SNTB2: variants seen among roughly 807,000 people sequenced by gnomAD.
The protein encoded by SNTB2 is beta-2-syntrophin.
SNTB2 carries 34 observed loss-of-function variants against 46.2 expected under a neutral mutation model. The ratio of observed to expected loss-of-function variants is 0.74; its 90% CI spans 0.56 to 0.98. The LOEUF is 0.98. Among genes scored for constraint, SNTB2 ranks in the 50% least tolerant of loss-of-function variants. The pLI is 0.00. For missense variants in SNTB2, 603 were observed against 731.4 expected (o/e 0.82, Z 2.02); for synonymous variants, 290 against 312.6 (o/e 0.93, Z 0.76).
intron 1 of SNTB2, among the ~76,000 whole-genome samples, chr16:69,221,320 G>T (rs1964401925): frequency 6.6e-6 from 1 of 152,054 alleles, no homozygotes; most frequent in Non-Finnish European, 1.5e-5. Flanking sequence ...CTTGATACAT[G>T]ATTTTCTAGT....
chr16:69,273,819 T>C (rs1369559608), intron 4 of SNTB2, among the ~76,000 whole-genome samples: 1 of 152,196 alleles, frequency 6.6e-6, no homozygotes, highest in East Asian at 1.9e-4. Flanking sequence ...AGCATGCTAC[T>C]GAAACTTTCT....
At chr16:69,257,784 G>A (rs1447896978) in intron 2 of SNTB2, among the ~76,000 whole-genome samples, 1 of 152,100 alleles carries the variant, frequency 6.6e-6, no homozygotes, top group Non-Finnish European at 1.5e-5. Flanking sequence ...TAGAACTTTT[G>A]TCCTATTTTG....
At position 69,256,375 on chromosome 16, in the gene SNTB2, A is replaced by G. The variant is rs188840947; in HGVS notation, c.795-3675A>G. On this transcript the variant is annotated intron_variant, in intron 2 of 6. Coordinates refer to ENST00000336278, the MANE Select transcript of SNTB2 (RefSeq NM_006750.4). Reference sequence around the variant, plus strand: ...AACATGAAATTTCTTAATCATTTTTAAGTGTACAGGTCAGAAGTGTTAAGT... The same window carrying G: ...AACATGAAATTTCTTAATCATTTTTGAGTGTACAGGTCAGAAGTGTTAAGT... Among the ~76,000 whole-genome samples the G allele has an allele frequency of 9.2e-5, 14 of 152,232 alleles. No homozygotes were observed. The East Asian group carries it at 1.4e-3, about 15-fold the overall frequency.
chr16:69,211,718 G>C (rs1964289259), intron 1 of SNTB2, among the ~76,000 whole-genome samples: 2 of 152,290 alleles, frequency 1.3e-5, no homozygotes, highest in South Asian at 4.1e-4. Context: ...CTTTACTAGA[G>C]TATGTGTTAT....
At chr16:69,239,533 A>ATTTT (rs1350262401) in intron 1 of SNTB2, among the ~76,000 whole-genome samples, 2 of 151,506 alleles carry the variant, frequency 1.3e-5, no homozygotes, top group Non-Finnish European at 2.9e-5. Context: ...CACTGAATTT[A>ATTTT]TTTTTATTTA....
At chr16:69,268,173 A>T (rs1464489159) in intron 3 of SNTB2, among the ~76,000 whole-genome samples, 2 of 152,176 alleles carry the variant, frequency 1.3e-5, no homozygotes, top group African/African-American at 4.8e-5. Flanking sequence ...AAACTTCTAA[A>T]ATACAATGGG....
In SNTB2 at chr16:69,284,029, G is replaced by A. The variant is rs1198981176; in HGVS notation, c.1149-19G>A. The A allele has an allele frequency of 6.3e-7, 1 of 1,581,666 alleles. No homozygotes were observed. The highest frequency in any genetic ancestry group is 8.6e-7 in the Non-Finnish European group (1 of 1,160,488). On this transcript the variant is annotated intron_variant, in intron 4 of 6. Coordinates refer to ENST00000336278, the MANE Select transcript of SNTB2 (RefSeq NM_006750.4). The stretch of plus-strand genomic sequence containing the variant: ...GATAATGTAGTTACTTTTGATCTCT[G>A]CTCTGTTTGTGGTCCTAGGTTGGTT...
intron 1 of SNTB2, among the ~76,000 whole-genome samples, chr16:69,239,038 C>T (rs886295057): frequency 6.6e-6 from 1 of 152,110 alleles, no homozygotes; most frequent in African/African-American, 2.4e-5. Flanking sequence ...CCTCACTTAC[C>T]CAGCTCCAGT....
intron 3 of SNTB2, among the ~76,000 whole-genome samples, chr16:69,268,564 A>T (rs534515878): frequency 2.0e-5 from 3 of 152,254 alleles, no homozygotes; most frequent in East Asian, 3.9e-4. Flanking sequence ...TACAATTTTT[A>T]AAAAATACAG....
intron 1 of SNTB2, among the ~76,000 whole-genome samples, chr16:69,223,706 G>A (rs1414980118): frequency 1.3e-5 from 2 of 151,774 alleles, no homozygotes; most frequent in Non-Finnish European, 2.9e-5. Context: ...TCGGCTCACT[G>A]CAAGCTCCGC....
intron 1 of SNTB2, among the ~76,000 whole-genome samples, chr16:69,237,569 C>T: frequency 6.7e-6 from 1 of 149,852 alleles, no homozygotes; most frequent in Non-Finnish European, 1.5e-5. Flanking sequence ...TATTTTAGGC[C>T]AGCATTTCTT....
intron 1 of SNTB2, among the ~76,000 whole-genome samples, chr16:69,223,507 ATAT>A (rs1289593830): frequency 2.0e-5 from 3 of 151,156 alleles, no homozygotes; most frequent in Non-Finnish European, 4.4e-5. Flanking sequence ...CATTAGTATG[ATAT>A]TATTAAACTA....
At chr16:69,265,309 C>G (rs796194612) in intron 3 of SNTB2, among the ~76,000 whole-genome samples, 10 of 152,228 alleles carry the variant, frequency 6.6e-5, no homozygotes, top group African/African-American at 2.4e-4. Flanking sequence ...CTACTTTATG[C>G]CTTTTAACTC....
intron 5 of SNTB2, 94 bp from the exon 6 acceptor site, chr16:69,299,496 A>C (rs1437558972): frequency 8.0e-7 from 1 of 1,243,746 alleles, no homozygotes; most frequent in African/African-American, 1.5e-5. Flanking sequence ...TCTCAAGAAA[A>C]TATTTTTCCT....
rs1402341968 is a variant in SNTB2 at position 69,308,324 on chromosome 16, G to C, written c.*7400G>C. ...CTCGATTTGTGAATTAATAGAATTG[G>C]GGGGAGAGGAAATGATGATGTCAAT... On this transcript the variant is annotated 3_prime_UTR_variant, in exon 7 of 7. Coordinates refer to ENST00000336278, the MANE Select transcript of SNTB2 (RefSeq NM_006750.4). 1 of 152,560 alleles carries C rather than the reference G, an allele frequency of 6.6e-6. No homozygotes were observed. The highest frequency in any genetic ancestry group is 2.4e-5 in the African/African-American group (1 of 41,432). 9.5% of individuals were successfully genotyped at this position (152,560 alleles called of 1,614,324 possible).
Position 69,303,622 on chromosome 16 carries a change from A to G in SNTB2, c.*2698A>G, listed in dbSNP as rs886698071. The G allele has an allele frequency of 6.6e-6, 1 of 152,648 alleles. No individual in the cohort carries two copies. Among genetic ancestry groups the G allele is most frequent in the Non-Finnish European group, 1.5e-5 (1 of 68,054 alleles). 9.5% of individuals were successfully genotyped at this position (152,648 alleles called of 1,614,324 possible). A position where few individuals can be genotyped will look rare whatever the true frequency, so the allele number is the denominator to read the frequency against. ...TTTCCTTTGTCCATTAGCAGCCCCA[A>G]GAACCAGAACCCTTTTGCTGCTTTT... On this transcript the variant is annotated 3_prime_UTR_variant, in exon 7 of 7. Transcript: ENST00000336278.
Position 69,187,210 on chromosome 16 carries a change from C to G in SNTB2, c.44C>G (p.Ala15Gly). 7.0e-7 allele frequency: 1 copy of G among 1,432,010 alleles called. No homozygotes were observed. The highest frequency in any genetic ancestry group is 9.1e-7 in the Non-Finnish European group (1 of 1,093,220). The allele number at this position is 1,432,010 out of a possible 1,614,324, so 88.7% of individuals were successfully genotyped here. The change falls in exon 1 of 7, where the codon GCC becomes GGC. Residue 15 changes from alanine to glycine, a missense_variant. Physicochemically the swap from Ala to Gly is moderately conservative, Grantham distance 60. Coordinates refer to ENST00000336278, the MANE Select transcript of SNTB2 (RefSeq NM_006750.4). ...ACTGCGGCGGCTGGAGCGGGGCCGG[C>G]CATGGCGGTGTGGACGCGGGCCACC... The part of the protein sequence containing the change: ...AATAAAGAGP[A>G]MAVWTRATKA...
intron 1 of SNTB2, among the ~76,000 whole-genome samples, chr16:69,192,518 A>G (rs1419912151): frequency 6.6e-6 from 1 of 152,200 alleles, no homozygotes; most frequent in Non-Finnish European, 1.5e-5. Context: ...GAAAAATTTT[A>G]GTTTATAAAC....
rs1964000963 is a variant in SNTB2, at chr16:69,187,442, G to A, written c.276G>A (p.Gly92=). Residue 92 remains glycine (G), a synonymous_variant, in exon 1 of 7, where the codon GGG becomes GGA. Transcript: ENST00000336278. ...SLPGSPSRGL[G]PPSPPAPPRG... ...CCGGGAGCCCAAGCCGCGGCCTGGGGCCCCCGAGCCCGCCGGCGCCGCCTC... is the reference window on the plus strand; with the variant it reads ...CCGGGAGCCCAAGCCGCGGCCTGGGACCCCCGAGCCCGCCGGCGCCGCCTC... 3.4e-6 allele frequency: 4 copies of A among 1,162,982 alleles called. No homozygotes were observed. The highest frequency in any genetic ancestry group is 4.2e-6 in the Non-Finnish European group (4 of 944,080). The allele number at this position is 1,162,982 out of a possible 1,614,324, so 72.0% of individuals were successfully genotyped here.
Sources: gnomAD v4.1 joint callset for allele counts (sites outside exome capture counted in the v4.1 genomes callset) on GRCh38, gnomAD v4.1.1 for gene constraint, MANE v1.5 for transcripts, NCBI Gene and HGNC (gene_info 2026-07-23, HGNC 2026-07-21) for gene names.